Variants in DDX24 observed in about 807,000 individuals in gnomAD.
DDX24 encodes ATP-dependent RNA helicase DDX24.
A neutral mutation model predicts 68.9 loss-of-function variants in DDX24; 24 were observed. That is an observed-to-expected ratio of 0.35 (90% CI 0.25 to 0.49). DDX24 has a LOEUF of 0.49. Ranked by LOEUF, DDX24 falls within the 20% of genes least tolerant of loss-of-function variation. DDX24 has a pLI of 0.99. For synonymous variants in DDX24, 395 were observed against 385.2 expected (o/e 1.03, Z -0.30); for missense variants, 989 against 1,039.0 (o/e 0.95, Z 0.66).
In DDX24 at chr14:94,060,206, C is replaced by T. The variant is rs139827915; in HGVS notation, c.1805G>A (p.Arg602His). ...AAGGACTTTGAGGAGCCCAGAGAGGCGTTTGATGCAGGAGATACTGTTGGC... is the reference window on the plus strand; with the variant it reads ...AAGGACTTTGAGGAGCCCAGAGAGGTGTTTGATGCAGGAGATACTGTTGGC... Reference protein sequence around the residue: ...VFANSISCIKRLSGLLKVLDI... With the variant: ...VFANSISCIKHLSGLLKVLDI... Residue 602 changes from arginine to histidine, a missense_variant, in exon 5 of 9, where the codon CGC becomes CAC. Arg to His is a conservative substitution (Grantham distance 29). Around this residue, in one of 3 missense-constraint regions of DDX24, gnomAD observed 691 missense variants for 760.0 expected, o/e 0.91. Coordinates refer to ENST00000621632, the MANE Select transcript of DDX24 (RefSeq NM_020414.4). 1.5e-3 allele frequency: 2,467 copies of T among 1,614,160 alleles called. 4 individuals are homozygous for T. Among genetic ancestry groups the T allele is most frequent in the Non-Finnish European group, 1.9e-3 (2,262 of 1,180,038 alleles).
Position 94,050,397 on chromosome 14 carries a change from G to C in DDX24, c.*794C>G. 1 of 152,362 alleles carries C rather than the reference G, an allele frequency of 6.6e-6. No homozygotes were observed. The highest frequency in any genetic ancestry group is 1.5e-5 in the Non-Finnish European group (1 of 68,178). The allele number at this position is 152,362 out of a possible 1,614,324, so 9.4% of individuals were successfully genotyped here. A position where few individuals can be genotyped will look rare whatever the true frequency, so the allele number is the denominator to read the frequency against. On this transcript the variant is annotated 3_prime_UTR_variant, in exon 9 of 9. Transcript: ENST00000621632. ...GGACCCATGGCAGTGCTCCAGGATG[G>C]AGAAGGCCAAAAGGCAATCCAGACC...
At chr14:94,068,266 A>G (rs1885748063) in intron 2 of DDX24, among the ~76,000 whole-genome samples, 2 of 152,242 alleles carry the variant, frequency 1.3e-5, no homozygotes, top group Admixed American at 1.3e-4. Context: ...ACAGACAAAG[A>G]GGAACATTAT....
At position 94,048,720 on chromosome 14, in the gene DDX24, G is replaced by A. The variant is rs1433740613; in HGVS notation, c.*2471C>T. On this transcript the variant is annotated 3_prime_UTR_variant, in exon 9 of 9. Transcript: ENST00000621632. ...CATGTCACCTTGGCAGTGACTCGGT[G>A]GCTTCCCAAGCAGGAGTGTCAGGGG... is the stretch of plus-strand genomic sequence containing the variant. 5 of 152,102 alleles carry A rather than the reference G, an allele frequency of 3.3e-5. No individual in the cohort carries two copies. Among genetic ancestry groups the A allele is most frequent in the Admixed American group, 6.5e-5 (1 of 15,276 alleles). The allele number at this position is 152,102 out of a possible 1,614,324, so 9.4% of individuals were successfully genotyped here. A position where few individuals can be genotyped will look rare whatever the true frequency, so the allele number is the denominator to read the frequency against.
intron 2 of DDX24, among the ~76,000 whole-genome samples, chr14:94,073,866 A>G (rs1184748946): frequency 6.6e-6 from 1 of 151,854 alleles, no homozygotes; most frequent in Non-Finnish European, 1.5e-5. Flanking sequence ...ACACGGTGAA[A>G]CCCTGTCTCT....
chr14:94,059,345 A>C (rs1053511522), intron 5 of DDX24, among the ~76,000 whole-genome samples: 2 of 152,236 alleles, frequency 1.3e-5, no homozygotes, highest in African/African-American at 4.8e-5. Flanking sequence ...CAAAGACATC[A>C]GGAATAAGAA....
rs757564891 is a variant in DDX24, at chr14:94,057,838, T to C, written c.1973A>G (p.His658Arg). 1.9e-6 allele frequency: 3 copies of C among 1,613,898 alleles called. 1 individual carries two copies. The highest frequency in any genetic ancestry group is 4.5e-5 in the East Asian group (2 of 44,860). The stretch of plus-strand genomic sequence containing the variant: ...TGCCCCTACCTGGTAATGGATGACA[T>C]GCTGGACTTTAGGAATATCCAGACC... ...ARGLDIPKVQ[H>R]VIHYQVPRTS... Residue 658 changes from histidine to arginine, a missense_variant, in exon 6 of 9, where the codon CAT (histidine) becomes CGT (arginine). Physicochemically the swap from His to Arg is conservative, Grantham distance 29 (BLOSUM62 0). Transcript: ENST00000621632.
chr14:94,063,571 T>C (rs776154215), intron 2 of DDX24, among the ~76,000 whole-genome samples: 3 of 152,152 alleles, frequency 2.0e-5, no homozygotes, highest in Non-Finnish European at 4.4e-5. Context: ...AAAATGAAAA[T>C]CTGGATGTAC....
In DDX24 at chr14:94,079,835, T is replaced by C; in HGVS notation, c.-5-88A>G. 3 of 1,191,460 alleles carry C rather than the reference T, an allele frequency of 2.5e-6. No individual in the cohort carries two copies. The Admixed American group carries it at 6.1e-5, about 24-fold the overall frequency. 73.8% of individuals were successfully genotyped at this position (1,191,460 alleles called of 1,614,324 possible). On this transcript the variant is annotated intron_variant, in intron 1 of 8. Transcript: ENST00000621632. Reference sequence around the variant, plus strand: ...AAATATTTTCTAAGCAACTAGGCCCTACAAAGAACTGAGGATACAAAGATG... The same window carrying C: ...AAATATTTTCTAAGCAACTAGGCCCCACAAAGAACTGAGGATACAAAGATG...
At chr14:94,066,614 C>T (rs372596228) in intron 2 of DDX24, among the ~76,000 whole-genome samples, 7 of 152,206 alleles carry the variant, frequency 4.6e-5, no homozygotes, top group Admixed American at 6.5e-5. Context: ...CCGGAACAGG[C>T]GCTGGTATCC....
intron 3 of DDX24, 89 bp from the exon 4 acceptor site, chr14:94,061,155 ACAGACATCAG>A: frequency 6.8e-7 from 1 of 1,464,560 alleles, no homozygotes; most frequent in Non-Finnish European, 9.5e-7. Flanking sequence ...ATTAGCAGAG[ACAGACATCAG>A]CACAGTGTAA....
intron 2 of DDX24, among the ~76,000 whole-genome samples, chr14:94,063,647 G>A (rs932955128): frequency 6.6e-6 from 1 of 152,232 alleles, no homozygotes; most frequent in South Asian, 2.1e-4. Flanking sequence ...TTCTTTTTAT[G>A]GCCAGGCATG....
intron 2 of DDX24, among the ~76,000 whole-genome samples, chr14:94,075,813 A>G (rs942547250): frequency 2.0e-5 from 3 of 152,374 alleles, no homozygotes; most frequent in East Asian, 3.9e-4. Context: ...ACTCTACAAC[A>G]GAACATCCCT....
Position 94,073,868 on chromosome 14 carries a change from C to T in DDX24, c.718+5157G>A, listed in dbSNP as rs561199067. ...ACCATCCTGGTTAACACGGTGAAACCCTGTCTCTACTAAAAATACAAAAAA... is the reference window on the plus strand; with the variant it reads ...ACCATCCTGGTTAACACGGTGAAACTCTGTCTCTACTAAAAATACAAAAAA... On this transcript the variant is annotated intron_variant, in intron 2 of 8. Transcript: ENST00000621632. 4.6e-5 allele frequency among the ~76,000 whole-genome samples: 7 copies of T among 151,594 alleles called. 1 individual carries two copies. Among genetic ancestry groups the T allele is most frequent in the African/African-American group, 1.7e-4 (7 of 41,348 alleles).
At chr14:94,077,870 T>TAA (rs34265498) in intron 2 of DDX24, among the ~76,000 whole-genome samples, 13 of 145,094 alleles carry the variant, frequency 9.0e-5, no homozygotes, top group African/African-American at 1.8e-4. Flanking sequence ...GAAAATTTAG[T>TAA]AAAAAAAAAA....
intron 2 of DDX24, among the ~76,000 whole-genome samples, chr14:94,075,972 T>C (rs533990494): frequency 2.6e-5 from 4 of 152,334 alleles, no homozygotes; most frequent in South Asian, 4.1e-4. Context: ...AGACTGAGCA[T>C]ACCTAGTTAT....
Position 94,062,577 on chromosome 14 carries a change from C to A in DDX24, c.763G>T (p.Val255Leu). The A allele has an allele frequency of 4.4e-6, 7 of 1,607,642 alleles. No individual in the cohort carries two copies. Among genetic ancestry groups the A allele is most frequent in the Non-Finnish European group, 5.9e-6 (7 of 1,177,950 alleles). ...LAFAIPMIHA[V>L]LQWQKRNAAP... is the part of the protein sequence containing the mutation. The stretch of plus-strand genomic sequence containing the variant: ...GCATTCCTCTTCTGCCACTGCAACA[C>A]CGCATGAATCATTGGGATGGCAAAG... The change falls in exon 3 of 9, where the codon GTG becomes TTG. Residue 255 changes from valine (V) to leucine (L), a missense_variant. Around this residue, in one of 3 missense-constraint regions of DDX24, gnomAD observed 691 missense variants for 760.0 expected, o/e 0.91. Transcript: ENST00000621632.
At chr14:94,062,662 A>T in intron 2 of DDX24, 41 bp from the exon 3 acceptor site, 2 of 1,550,918 alleles carry the variant, frequency 1.3e-6, no homozygotes, top group Non-Finnish European at 1.7e-6. Flanking sequence ...AACAGTGTGA[A>T]TCAACAGATG....
rs34711184 is a variant in DDX24 at position 94,050,885 on chromosome 14, T to TA, written c.*305dup. 0.094 allele frequency: 21,184 copies of TA among 226,326 alleles called. 502 individuals carry two copies. The highest frequency in any genetic ancestry group is 0.14 in the Middle Eastern group (109 of 768). The allele number at this position is 226,326 out of a possible 1,614,324, so 14.0% of individuals were successfully genotyped here. On this transcript the variant is annotated 3_prime_UTR_variant, in exon 9 of 9. Coordinates refer to ENST00000621632, the MANE Select transcript of DDX24 (RefSeq NM_020414.4). Reference sequence around the variant, plus strand: ...TACACCACCACCCCCATCTTCTATCTAAAAAAAAAAAAAAAAAATCAGGAT... The same window carrying TA: ...TACACCACCACCCCCATCTTCTATCTAAAAAAAAAAAAAAAAAAATCAGGAT...
At position 94,050,074 on chromosome 14, in the gene DDX24, C is replaced by T. The variant is rs4905149; in HGVS notation, c.*1117G>A. The T allele has an allele frequency of 0.31, 46,705 of 151,980 alleles. 7,380 individuals carry two copies. The highest frequency in any genetic ancestry group is 0.38 in the Admixed American group (5,790 of 15,264). The allele number at this position is 151,980 out of a possible 1,614,324, so 9.4% of individuals were successfully genotyped here. ...TAAACAGCTGTATTGTATTGTGCCCCGACGAATACCTGTTTGGAAGCCAGA... is the reference window on the plus strand; with the variant it reads ...TAAACAGCTGTATTGTATTGTGCCCTGACGAATACCTGTTTGGAAGCCAGA... On this transcript the variant is annotated 3_prime_UTR_variant, in exon 9 of 9. Coordinates refer to ENST00000621632, the MANE Select transcript of DDX24 (RefSeq NM_020414.4).
Sources: gnomAD v4.1 joint callset for allele counts (sites outside exome capture counted in the v4.1 genomes callset) on GRCh38, gnomAD v4.1.1 for gene constraint, gnomAD v4.1.1 regional missense constraint, MANE v1.5 for transcripts, NCBI Gene and HGNC (gene_info 2026-07-23, HGNC 2026-07-21) for gene names.